Variants in CADM2 observed in about 807,000 individuals in gnomAD.
CADM2 encodes cell adhesion molecule 2, also known as immunoglobulin superfamily member 4D.
CADM2 carries 12 observed loss-of-function variants against 49.8 expected under a neutral mutation model. The observed-to-expected ratio is 0.24, with a 90% CI of 0.15 to 0.39. The LOEUF (loss-of-function observed/expected upper bound fraction) is 0.39, where lower values mean the gene tolerates loss of function less well. CADM2 is among the 10% of genes least tolerant of loss of function. The probability of loss-of-function intolerance (pLI) is 1.00; values close to 1 mark genes in which losing one functional copy is unlikely to be tolerated. For missense variants in CADM2, 378 were observed against 492.3 expected (o/e 0.77, Z 2.20); for synonymous variants, 214 against 175.4 (o/e 1.22, Z -1.74).
intron 3 of CADM2, among the ~76,000 whole-genome samples, chr3:85,809,630 C>T (rs2072688959): frequency 6.6e-6 from 1 of 151,806 alleles, no homozygotes; most frequent in South Asian, 2.1e-4. Flanking sequence ...CTTTGTGTTT[C>T]ATTATGCTGA....
chr3:85,197,100 A>G (rs1459637881), intron 1 of CADM2, among the ~76,000 whole-genome samples: 2 of 151,966 alleles, frequency 1.3e-5, no homozygotes, highest in Non-Finnish European at 2.9e-5. Context: ...CCTGGTAACA[A>G]TTATTTGTTT....
At chr3:85,800,640 G>A (rs920063590) in intron 2 of CADM2, among the ~76,000 whole-genome samples, 1 of 152,162 alleles carries the variant, frequency 6.6e-6, no homozygotes, top group East Asian at 1.9e-4. Context: ...GGACCTCATG[G>A]CTTCTCTTAT....
intron 8 of CADM2, among the ~76,000 whole-genome samples, chr3:86,009,941 T>A (rs7617889): frequency 0.02 from 3,111 of 152,006 alleles, 88 homozygotes; most frequent in African/African-American, 0.061. Context: ...TTCGATATGT[T>A]GTGTTTAGGT....
chr3:86,018,734 T>G (rs1173700355), intron 8 of CADM2, among the ~76,000 whole-genome samples: 1 of 152,184 alleles, frequency 6.6e-6, no homozygotes, highest in Non-Finnish European at 1.5e-5. Flanking sequence ...GTTTGGTTTA[T>G]TCTTGTAAAT....
chr3:85,768,733 A>G (rs1414057364), intron 2 of CADM2, among the ~76,000 whole-genome samples: 3 of 133,516 alleles, frequency 2.2e-5, no homozygotes, highest in Non-Finnish European at 4.5e-5. Flanking sequence ...GTATATATAC[A>G]CATATATACA....
intron 1 of CADM2, among the ~76,000 whole-genome samples, chr3:85,528,235 C>G (rs1436267330): frequency 6.6e-6 from 1 of 152,094 alleles, no homozygotes; most frequent in African/African-American, 2.4e-5. Flanking sequence ...CATCAGTTTG[C>G]TGCTCTGCTT....
intron 1 of CADM2, among the ~76,000 whole-genome samples, chr3:85,218,709 T>G (rs1229551164): frequency 6.6e-6 from 1 of 151,570 alleles, no homozygotes; most frequent in African/African-American, 2.4e-5. Flanking sequence ...AGCAGGAGAG[T>G]CACTTGAACT....
At chr3:85,656,659 A>C (rs1455239945) in intron 1 of CADM2, among the ~76,000 whole-genome samples, 2 of 152,160 alleles carry the variant, frequency 1.3e-5, no homozygotes, top group Non-Finnish European at 2.9e-5. Flanking sequence ...TAAGTAAATA[A>C]ATTTAAGAAA....
chr3:85,704,942 T>C (rs995733721), intron 1 of CADM2, among the ~76,000 whole-genome samples: 3 of 150,828 alleles, frequency 2.0e-5, no homozygotes, highest in African/African-American at 7.3e-5. Flanking sequence ...CACTGCAAGC[T>C]CCGCCTCCCG....
intron 1 of CADM2, among the ~76,000 whole-genome samples, chr3:85,200,985 TTAAA>T (rs1254134766): frequency 6.6e-6 from 1 of 152,294 alleles, no homozygotes; most frequent in South Asian, 2.1e-4. Flanking sequence ...ATGTGCATAA[TTAAA>T]TAGACCTTTT....
chr3:85,262,514 A>G (rs1411036228), intron 1 of CADM2, among the ~76,000 whole-genome samples: 5 of 152,128 alleles, frequency 3.3e-5, no homozygotes, highest in East Asian at 3.9e-4. Flanking sequence ...TAATAAAGCC[A>G]TGATAAATGA....
At chr3:85,458,057 C>T (rs1408773093) in intron 1 of CADM2, among the ~76,000 whole-genome samples, 1 of 152,288 alleles carries the variant, frequency 6.6e-6, no homozygotes, top group African/African-American at 2.4e-5. Context: ...GTTTCATGGT[C>T]TACATCAACT....
At chr3:85,164,461 A>G (rs994848265) in intron 1 of CADM2, among the ~76,000 whole-genome samples, 2 of 152,036 alleles carry the variant, frequency 1.3e-5, no homozygotes, top group African/African-American at 4.8e-5. Flanking sequence ...CTTGCCCTCA[A>G]TCAACTGTAA....
chr3:85,568,769 AT>A (rs74343554), intron 1 of CADM2, among the ~76,000 whole-genome samples: 2,347 of 149,004 alleles, frequency 0.016, 70 homozygotes, highest in African/African-American at 0.055. Context: ...CACCAAACTA[AT>A]TTTTTTTTTG....
chr3:85,850,254 C>A (rs549072495), intron 3 of CADM2, among the ~76,000 whole-genome samples: 20 of 149,678 alleles, frequency 1.3e-4, no homozygotes, highest in South Asian at 2.1e-4. Context: ...ACATAAAAAA[C>A]CAAGGCAAAC....
At chr3:85,060,571 T>G (rs566446784) in intron 1 of CADM2, among the ~76,000 whole-genome samples, 2 of 152,350 alleles carry the variant, frequency 1.3e-5, no homozygotes, top group East Asian at 3.9e-4. Context: ...GCTTTAAGTA[T>G]TTTTATACAA....
At chr3:85,505,809 T>A (rs2040325641) in intron 1 of CADM2, among the ~76,000 whole-genome samples, 1 of 152,246 alleles carries the variant, frequency 6.6e-6, no homozygotes, top group African/African-American at 2.4e-5. Flanking sequence ...ATTTTCCATC[T>A]TCTTTGAATT....
intron 1 of CADM2, among the ~76,000 whole-genome samples, chr3:85,602,710 G>A (rs370697517): frequency 1.8e-3 from 273 of 151,830 alleles, no homozygotes; most frequent in Non-Finnish European, 3.6e-3. Context: ...ATACTTTGGT[G>A]AAAGTGTCAT....
intron 1 of CADM2, among the ~76,000 whole-genome samples, chr3:85,158,350 C>T (rs527563825): frequency 6.6e-6 from 1 of 152,138 alleles, no homozygotes; most frequent in Admixed American, 6.5e-5. Context: ...GGTATATACC[C>T]AAAGGACTAT....
Sources: gnomAD v4.1 joint callset for allele counts (sites outside exome capture counted in the v4.1 genomes callset) on GRCh38, gnomAD v4.1.1 for gene constraint, MANE v1.5 for transcripts, NCBI Gene and HGNC (gene_info 2026-07-23, HGNC 2026-07-21) for gene names.